The following TNNI3K variants were observed in gnomAD, a reference collection of about 807,000 sequenced individuals.
The protein encoded by TNNI3K is TNNI3 interacting kinase.
In TNNI3K, 140 loss-of-function variants were observed where a neutral mutation model predicts 114.5. The ratio of observed to expected loss-of-function variants is 1.22; its 90% CI spans 1.07 to 1.41. TNNI3K has a LOEUF of 1.41. Ranked by LOEUF, TNNI3K falls within the 40% of genes most tolerant of loss-of-function variation. The pLI is 0.00. For synonymous variants in TNNI3K, 347 were observed against 347.5 expected (o/e 1.00, Z 0.02); for missense variants, 1,125 against 1,007.6 (o/e 1.12, Z -1.58).
At chr1:74,438,409 A>G (rs1011957289) in intron 19 of TNNI3K, among the ~76,000 whole-genome samples, 7 of 152,096 alleles carry the variant, frequency 4.6e-5, no homozygotes, top group Non-Finnish European at 1.0e-4. Context: ...AGCAACCAAC[A>G]CTACACACAA....
intron 5 of TNNI3K, among the ~76,000 whole-genome samples, chr1:74,298,277 G>A (rs1658112455): frequency 6.6e-6 from 1 of 152,114 alleles, no homozygotes; most frequent in South Asian, 2.1e-4. Context: ...CTGAGTTTGA[G>A]TATCTTCTTC....
intron 23 of TNNI3K, among the ~76,000 whole-genome samples, chr1:74,529,095 G>A (rs1439227944): frequency 6.6e-6 from 1 of 152,148 alleles, no homozygotes; most frequent in Non-Finnish European, 1.5e-5. Context: ...ATAAATAAAT[G>A]ATAGAAGTAA....
intron 4 of TNNI3K, among the ~76,000 whole-genome samples, chr1:74,254,176 C>T (rs894130934): frequency 3.3e-5 from 5 of 152,056 alleles, no homozygotes; most frequent in African/African-American, 1.2e-4. Flanking sequence ...TTTTTTAGAA[C>T]CATTTGACAG....
chr1:74,445,142 A>C (rs992968958), intron 20 of TNNI3K, among the ~76,000 whole-genome samples: 1 of 152,210 alleles, frequency 6.6e-6, no homozygotes, highest in African/African-American at 2.4e-5. Context: ...TTTATGACAA[A>C]AATGTCAGAA....
At chr1:74,414,380 A>G (rs186908069) in intron 17 of TNNI3K, among the ~76,000 whole-genome samples, 53 of 152,302 alleles carry the variant, frequency 3.5e-4, no homozygotes, top group African/African-American at 9.9e-4. Context: ...TTTATCTGGC[A>G]TACTAATTTT....
intron 23 of TNNI3K, among the ~76,000 whole-genome samples, chr1:74,520,626 G>T (rs537309456): frequency 6.6e-6 from 1 of 151,786 alleles, no homozygotes; most frequent in Non-Finnish European, 1.5e-5. Context: ...AAAAAAAAAT[G>T]GGAAAAATCA....
At chr1:74,357,805 A>G (rs1001028044) in intron 11 of TNNI3K, among the ~76,000 whole-genome samples, 2 of 151,958 alleles carry the variant, frequency 1.3e-5, no homozygotes, top group Non-Finnish European at 2.9e-5. Context: ...TACTATTCCA[A>G]TCTGAAAGTG....
chr1:74,312,981 C>G (rs1001832621), intron 5 of TNNI3K, among the ~76,000 whole-genome samples: 3 of 152,180 alleles, frequency 2.0e-5, no homozygotes, highest in African/African-American at 7.2e-5. Context: ...TGTTTTAGAA[C>G]CAATCTGTAC....
chr1:74,327,333 C>T (rs1659963065), intron 5 of TNNI3K, among the ~76,000 whole-genome samples: 1 of 149,652 alleles, frequency 6.7e-6, no homozygotes, highest in South Asian at 2.1e-4. Flanking sequence ...GTGAAAAGTA[C>T]CAAGTTACCA....
chr1:74,322,529 C>G (rs1042404301), intron 5 of TNNI3K, among the ~76,000 whole-genome samples: 1 of 149,900 alleles, frequency 6.7e-6, no homozygotes, highest in African/African-American at 2.5e-5. Flanking sequence ...GGCACCATCT[C>G]GGCTCACGGC....
chr1:74,363,736 T>C (rs1251786152), intron 11 of TNNI3K, among the ~76,000 whole-genome samples: 1 of 151,812 alleles, frequency 6.6e-6, no homozygotes, highest in African/African-American at 2.4e-5. Context: ...GGGGTTTGGG[T>C]TGTTTTTATT....
chr1:74,508,543 G>T (rs905562021), intron 23 of TNNI3K, among the ~76,000 whole-genome samples: 4 of 152,194 alleles, frequency 2.6e-5, no homozygotes, highest in African/African-American at 9.6e-5. Context: ...AAAAGACAGA[G>T]AGAAAAGGGT....
chr1:74,505,110 C>T (rs1669826716), intron 23 of TNNI3K, among the ~76,000 whole-genome samples: 1 of 152,120 alleles, frequency 6.6e-6, no homozygotes, highest in Non-Finnish European at 1.5e-5. Flanking sequence ...CAAAGGAGGG[C>T]CCGGGCCCAC....
At chr1:74,515,524 C>T (rs1262028691) in intron 23 of TNNI3K, among the ~76,000 whole-genome samples, 1 of 152,222 alleles carries the variant, frequency 6.6e-6, no homozygotes, top group African/African-American at 2.4e-5. Context: ...CTGATGGTTG[C>T]TGTTGGCAAC....
chr1:74,335,659 A>G (rs1056460921), intron 6 of TNNI3K, among the ~76,000 whole-genome samples: 6 of 152,196 alleles, frequency 3.9e-5, no homozygotes, highest in African/African-American at 1.4e-4. Flanking sequence ...AGAGTTTTTA[A>G]GAAGGAATTT....
At chr1:74,493,570 G>T (rs959444811) in intron 23 of TNNI3K, among the ~76,000 whole-genome samples, 1 of 152,060 alleles carries the variant, frequency 6.6e-6, no homozygotes, top group Non-Finnish European at 1.5e-5. Context: ...TAATAATTCC[G>T]TATAATAACC....
At chr1:74,483,201 T>A in intron 21 of TNNI3K, 1 of 709,258 alleles carries the variant, frequency 1.4e-6, no homozygotes, top group Non-Finnish European at 2.6e-6. Flanking sequence ...CAATGAAAGG[T>A]ATGGCAACCA....
At position 74,489,293 on chromosome 1, in the gene TNNI3K, A is replaced by G. The variant is rs749166323; in HGVS notation, c.2181+45A>G. On this transcript the variant is annotated intron_variant, in intron 22 of 24. Coordinates refer to ENST00000326637, the MANE Select transcript of TNNI3K (RefSeq NM_015978.3). ...AAATATGTCCATAAAAAAGCCCTGC[A>G]TATCCAAGGCTGTCAGGGAATGTAG... 13 of 1,587,222 alleles carry G rather than the reference A, an allele frequency of 8.2e-6. No individual in the cohort carries two copies. In the East Asian group the frequency reaches 2.5e-4, roughly 30 times the overall value.
chr1:74,531,581 G>A (rs1390404392), intron 23 of TNNI3K, among the ~76,000 whole-genome samples: 1 of 152,142 alleles, frequency 6.6e-6, no homozygotes, highest in Non-Finnish European at 1.5e-5. Context: ...CCAAAAGGAT[G>A]AGCCAGATGA....
Sources: allele counts gnomAD v4.1 joint callset (sites outside exome capture counted in the v4.1 genomes callset), GRCh38; gene constraint gnomAD v4.1.1; transcripts MANE v1.5; gene names NCBI Gene and HGNC (gene_info 2026-07-23, HGNC 2026-07-21).